Variants in SEMA3A observed in about 807,000 individuals in gnomAD.
SEMA3A encodes semaphorin-3A.
In SEMA3A, 29 loss-of-function variants were observed where a neutral mutation model predicts 97.9. That is an observed-to-expected ratio of 0.30 (90% CI 0.22 to 0.40). SEMA3A has a LOEUF of 0.40. SEMA3A is among the 10% of genes least tolerant of loss of function. SEMA3A has a pLI of 1.00. For synonymous variants in SEMA3A, 321 were observed against 323.7 expected, an observed-to-expected ratio of 0.99 and a Z score of 0.09; for missense variants, 763 against 951.3, an observed-to-expected ratio of 0.80 and a Z score of 2.60.
Position 84,357,044 on chromosome 7 carries a change from C to CCA in SEMA3A, c.-169+14778_-169+14779dup, listed in dbSNP as rs529509421. ...AATATTGATTAAGTCCATCTGAGCA[C>CCA]CACACACACTAAATAAGTTGGCACA... On this transcript the variant is annotated intron_variant, in intron 2 of 3. Coordinates refer to the SEMA3A transcript ENST00000424555. Among the ~76,000 whole-genome samples the CCA allele has an allele frequency of 2.1e-3, 323 of 151,762 alleles. 1 individual carries two copies. Among genetic ancestry groups the CCA allele is most frequent in the African/African-American group, 7.4e-3 (309 of 41,484 alleles).
At chr7:84,317,082 C>T (rs999532625) in intron 2 of SEMA3A, among the ~76,000 whole-genome samples, 5 of 152,096 alleles carry the variant, frequency 3.3e-5, no homozygotes, top group Non-Finnish European at 7.4e-5. Flanking sequence ...CCTAAAAACT[C>T]TTTCTATCCC....
chr7:84,005,130 G>C (rs1354441303), intron 11 of SEMA3A, among the ~76,000 whole-genome samples: 1 of 152,132 alleles, frequency 6.6e-6, no homozygotes, highest in East Asian at 1.9e-4. Context: ...AACATATGAA[G>C]CTAATCAACT....
At chr7:84,229,131 G>A (rs997685208) in intron 3 of SEMA3A, among the ~76,000 whole-genome samples, 13 of 151,816 alleles carry the variant, frequency 8.6e-5, no homozygotes, top group Non-Finnish European at 1.6e-4. Flanking sequence ...AGTTTTACAA[G>A]GTTGCTTTAA....
intron 2 of SEMA3A, among the ~76,000 whole-genome samples, chr7:84,317,195 A>AAT (rs1022086639): frequency 6.6e-6 from 1 of 152,206 alleles, no homozygotes; most frequent in Non-Finnish European, 1.5e-5. Flanking sequence ...GGAAGGGAAA[A>AAT]ATATAAAACA....
chr7:84,483,730 C>A (rs1806502268), intron 1 of SEMA3A, among the ~76,000 whole-genome samples: 1 of 149,778 alleles, frequency 6.7e-6, no homozygotes, highest in African/African-American at 2.5e-5. Context: ...GGGGAATAGA[C>A]AACCCATATC....
chr7:84,248,252 G>A (rs188821727), intron 3 of SEMA3A, among the ~76,000 whole-genome samples: 1 of 152,148 alleles, frequency 6.6e-6, no homozygotes, highest in East Asian at 1.9e-4. Flanking sequence ...CTTTTAGCTT[G>A]TCCTTTAAAG....
intron 1 of SEMA3A, among the ~76,000 whole-genome samples, chr7:84,394,804 A>C (rs1016146039): frequency 6.6e-6 from 1 of 152,190 alleles, no homozygotes; most frequent in South Asian, 2.1e-4. Flanking sequence ...TACTAATAAA[A>C]GAGCTACATA....
chr7:83,967,509 C>A (rs1370659242), intron 15 of SEMA3A, among the ~76,000 whole-genome samples: 1 of 152,180 alleles, frequency 6.6e-6, no homozygotes, highest in African/African-American at 2.4e-5. Context: ...AATCCCAGCA[C>A]TTTGGAAGGC....
intron 1 of SEMA3A, among the ~76,000 whole-genome samples, chr7:84,449,913 T>G (rs183500436): frequency 3.9e-5 from 6 of 152,310 alleles, no homozygotes; most frequent in Non-Finnish European, 5.9e-5. Context: ...TGGCAGGATT[T>G]CCTTGTTTTT....
At chr7:84,147,715 G>A (rs1796504198) in intron 1 of SEMA3A, among the ~76,000 whole-genome samples, 1 of 152,186 alleles carries the variant, frequency 6.6e-6, no homozygotes, top group South Asian at 2.1e-4. Context: ...GTTTATGAAT[G>A]TGCAATAGTG....
chr7:84,089,508 G>A (rs78236554), intron 4 of SEMA3A, among the ~76,000 whole-genome samples: 7,270 of 122,486 alleles, frequency 0.059, 223 homozygotes, highest in Middle Eastern at 0.09. Context: ...TGGGTTTGGA[G>A]TCAACCATAT....
intron 1 of SEMA3A, among the ~76,000 whole-genome samples, chr7:84,474,066 ACT>A (rs1271506406): frequency 6.6e-6 from 1 of 151,998 alleles, no homozygotes; most frequent in Non-Finnish European, 1.5e-5. Flanking sequence ...GAGAATCCTA[ACT>A]CTTTCAATTT....
At chr7:84,268,144 A>C (rs1212253117) in intron 3 of SEMA3A, among the ~76,000 whole-genome samples, 1 of 152,092 alleles carries the variant, frequency 6.6e-6, no homozygotes, top group African/African-American at 2.4e-5. Context: ...GCATGTCATT[A>C]AACAATGGAT....
rs1340568249 is a variant in SEMA3A, at chr7:84,239,594, C to T, written c.-82-44926G>A. Among the ~76,000 whole-genome samples the T allele has an allele frequency of 5.9e-5, 9 of 152,080 alleles. No homozygotes were observed. In the East Asian group the frequency reaches 1.7e-3, roughly 29 times the overall value. The stretch of plus-strand genomic sequence containing the variant: ...TATCTTTCTGACTAAAAATGCAGTG[C>T]CAATTATATTTTATAGTTAGCAATT... On this transcript the variant is annotated intron_variant, in intron 3 of 3. Coordinates refer to the SEMA3A transcript ENST00000424555.
At chr7:84,344,981 T>C (rs1042911575) in intron 2 of SEMA3A, among the ~76,000 whole-genome samples, 2 of 152,124 alleles carry the variant, frequency 1.3e-5, no homozygotes, top group African/African-American at 2.4e-5. Flanking sequence ...CTACAACACA[T>C]TAATAATAAT....
At chr7:83,996,459 C>T (rs1034041592) in intron 12 of SEMA3A, among the ~76,000 whole-genome samples, 9 of 151,922 alleles carry the variant, frequency 5.9e-5, no homozygotes, top group Non-Finnish European at 7.4e-5. Flanking sequence ...TGTGCCACCA[C>T]GCCAGGCTAA....
chr7:84,172,898 T>A (rs1797436768), intron 1 of SEMA3A, among the ~76,000 whole-genome samples: 1 of 152,236 alleles, frequency 6.6e-6, no homozygotes, highest in Admixed American at 6.5e-5. Flanking sequence ...TAAATTTCTT[T>A]TCCTGACTTA....
At chr7:84,376,660 G>C (rs889628464) in intron 1 of SEMA3A, among the ~76,000 whole-genome samples, 10 of 134,022 alleles carry the variant, frequency 7.5e-5, no homozygotes, top group African/African-American at 2.8e-4. Flanking sequence ...ACCAGTATTT[G>C]TTACTCTTTC....
At chr7:84,216,169 C>A (rs780833294) in intron 3 of SEMA3A, among the ~76,000 whole-genome samples, 1 of 152,152 alleles carries the variant, frequency 6.6e-6, no homozygotes, top group Non-Finnish European at 1.5e-5. Flanking sequence ...CTCACTGCCA[C>A]CATCTTTGCT....
Sources: allele counts gnomAD v4.1 joint callset (sites outside exome capture counted in the v4.1 genomes callset), GRCh38; gene constraint gnomAD v4.1.1; transcripts MANE v1.5; gene names NCBI Gene and HGNC (gene_info 2026-07-23, HGNC 2026-07-21).